The following PIWIL4 variants were observed in gnomAD, a reference collection of about 807,000 sequenced individuals.
PIWIL4 encodes the protein piwi like RNA-mediated gene silencing 4, also known as piwi-like protein 4.
A neutral mutation model predicts 100.9 loss-of-function variants in PIWIL4; 50 were observed. The observed-to-expected ratio is 0.50, with a 90% CI of 0.39 to 0.63. PIWIL4 has a LOEUF of 0.63. PIWIL4 is among the 20% of genes least tolerant of loss of function. PIWIL4 has a pLI of 0.00. For synonymous variants in PIWIL4, 342 were observed against 367.5 expected, an observed-to-expected ratio of 0.93 and a Z score of 0.79; for missense variants, 887 against 1,043.3, an observed-to-expected ratio of 0.85 and a Z score of 2.06.
intron 8 of PIWIL4, among the ~76,000 whole-genome samples, chr11:94,592,520 G>A (rs1307772335): frequency 1.3e-5 from 2 of 152,188 alleles, no homozygotes; most frequent in Non-Finnish European, 2.9e-5. Context: ...AAACTTTTTA[G>A]CCATAGCATC....
rs561668097 is a variant in PIWIL4, at chr11:94,610,527, C to T, written c.1943+1841C>T. Reference sequence around the variant, plus strand: ...AATATTTATCTTCTGACTTTTTGGTCATAGCCATCCTACAGGTGTAAGGTG... The same window carrying T: ...AATATTTATCTTCTGACTTTTTGGTTATAGCCATCCTACAGGTGTAAGGTG... On this transcript the variant is annotated intron_variant, in intron 15 of 19. Transcript: ENST00000299001. Among the ~76,000 whole-genome samples, 4 of 152,166 alleles carry T rather than the reference C, an allele frequency of 2.6e-5. 1 individual carries two copies. The South Asian group carries it at 8.3e-4, about 32-fold the overall frequency.
intron 3 of PIWIL4, among the ~76,000 whole-genome samples, chr11:94,575,725 C>T (rs976583552): frequency 2.6e-5 from 4 of 152,282 alleles, no homozygotes; most frequent in South Asian, 2.1e-4. Context: ...TGAAACAATG[C>T]GTCTCTTCCT....
At chr11:94,598,447 A>AT (rs1565278332) in intron 11 of PIWIL4, among the ~76,000 whole-genome samples, 1 of 152,190 alleles carries the variant, frequency 6.6e-6, no homozygotes, top group Non-Finnish European at 1.5e-5. Context: ...GGAGAGAGGC[A>AT]TTCTGAAACC....
intron 15 of PIWIL4, among the ~76,000 whole-genome samples, chr11:94,613,751 C>A (rs892002283): frequency 1.3e-5 from 2 of 152,034 alleles, no homozygotes; most frequent in East Asian, 1.9e-4. Context: ...TAATTGTATT[C>A]TTCAGCTCCA....
chr11:94,620,116 A>G lies in PIWIL4; in HGVS notation c.2414A>G (p.Lys805Arg), dbSNP rs1948890279. 2 of 1,609,232 alleles carry G rather than the reference A, an allele frequency of 1.2e-6. No individual in the cohort carries two copies. Among genetic ancestry groups the G allele is most frequent in the South Asian group, 1.1e-5 (1 of 90,374 alleles). ...GACCATATGCAGAGACTTACATTCAAATTGTGCCACCTGTACTACAACTGG... is the reference window on the plus strand; with the variant it reads ...GACCATATGCAGAGACTTACATTCAGATTGTGCCACCTGTACTACAACTGG... ...KPDHMQRLTFKLCHLYYNWPG... is the reference protein window; with the variant it reads ...KPDHMQRLTFRLCHLYYNWPG... The change falls in exon 19 of 20, where the codon AAA becomes AGA. Residue 805 changes from lysine to arginine, a missense_variant. Coordinates refer to ENST00000299001, the MANE Select transcript of PIWIL4 (RefSeq NM_152431.3).
intron 16 of PIWIL4, 75 bp downstream of exon 16, chr11:94,616,638 G>A: frequency 1.6e-6 from 2 of 1,212,702 alleles, no homozygotes; most frequent in Non-Finnish European, 2.4e-6. Context: ...GCTTATAGAA[G>A]ACCACATAGG....
intron 4 of PIWIL4, 139 bp from the exon 5 acceptor site, chr11:94,583,309 A>T (rs1397700676): frequency 2.2e-6 from 2 of 913,712 alleles, no homozygotes; most frequent in Non-Finnish European, 3.3e-6. Context: ...ACATAATGTG[A>T]TGATTAGATT....
chr11:94,604,345 TG>T (rs760364884), intron 13 of PIWIL4, among the ~76,000 whole-genome samples: 1 of 152,200 alleles, frequency 6.6e-6, no homozygotes, highest in Non-Finnish European at 1.5e-5. Flanking sequence ...TAAGATAAAC[TG>T]ACTCCCACCT....
chr11:94,609,071 CACTT>C (rs1274822264), intron 15 of PIWIL4, among the ~76,000 whole-genome samples: 2 of 152,170 alleles, frequency 1.3e-5, no homozygotes, highest in Non-Finnish European at 2.9e-5. Flanking sequence ...CCTGGTCTGC[CACTT>C]ACTTACTCTG....
Position 94,621,082 on chromosome 11 carries a change from T to A in PIWIL4, c.*90T>A. ...TCTGCCATAAGCTCAAGGCTGTGAC[T>A]GGGGAAAAAGATTGAGCTTAGTTTT... On this transcript the variant is annotated 3_prime_UTR_variant, in exon 20 of 20. Coordinates refer to ENST00000299001, the MANE Select transcript of PIWIL4 (RefSeq NM_152431.3). 6 of 862,720 alleles carry A rather than the reference T, an allele frequency of 7.0e-6. No homozygotes were observed. In the South Asian group the frequency reaches 1.1e-4, roughly 16 times the overall value. 53.4% of individuals were successfully genotyped at this position (862,720 alleles called of 1,614,324 possible). A position where few individuals can be genotyped will look rare whatever the true frequency, so the allele number is the denominator to read the frequency against.
rs999841688 is a variant in PIWIL4 at position 94,591,683 on chromosome 11, A to G, written c.1027-1835A>G. ...AAATCCCAGTCACTGTTTTTTTGAA[A>G]TGAGTTGTGCTTCACTGCATATATA... On this transcript the variant is annotated intron_variant, in intron 8 of 19. Transcript: ENST00000299001. Among the ~76,000 whole-genome samples, 12 of 152,246 alleles carry G rather than the reference A, an allele frequency of 7.9e-5. No homozygotes were observed. The East Asian group carries it at 2.3e-3, about 29-fold the overall frequency.
chr11:94,600,206 T>C (rs1468366670), intron 11 of PIWIL4, among the ~76,000 whole-genome samples: 1 of 152,194 alleles, frequency 6.6e-6, no homozygotes, highest in Non-Finnish European at 1.5e-5. Context: ...GGAGTCTCCA[T>C]CCTGGCTTCA....
At chr11:94,573,986 C>A (rs1259948197) in intron 2 of PIWIL4, among the ~76,000 whole-genome samples, 1 of 152,128 alleles carries the variant, frequency 6.6e-6, no homozygotes, top group Non-Finnish European at 1.5e-5. Context: ...CACCTAACAT[C>A]TTTTGAAACC....
intron 13 of PIWIL4, 133 bp from the exon 14 acceptor site, chr11:94,607,306 T>A (rs1948734060): frequency 4.1e-6 from 3 of 733,784 alleles, no homozygotes; most frequent in Non-Finnish European, 6.7e-6. Context: ...ACTGTAGGCA[T>A]GTTAGTGTTG....
rs1291336163 is a variant in PIWIL4 at position 94,589,088 on chromosome 11, A to T, written c.915-33A>T. On this transcript the variant is annotated intron_variant, in intron 7 of 19. Coordinates refer to ENST00000299001, the MANE Select transcript of PIWIL4 (RefSeq NM_152431.3). ...AGTAGCTGCTTATGTTAGATGATTAAAAAACAATTTAAAGACTTTTTATAT... is the reference window on the plus strand; with the variant it reads ...AGTAGCTGCTTATGTTAGATGATTATAAAACAATTTAAAGACTTTTTATAT... 5.3e-6 allele frequency: 8 copies of T among 1,523,154 alleles called. No homozygotes were observed. In the East Asian group the frequency reaches 6.8e-5, roughly 13 times the overall value. The allele number at this position is 1,523,154 out of a possible 1,614,324, so 94.4% of individuals were successfully genotyped here.
At chr11:94,593,086 A>G (rs528156348) in intron 8 of PIWIL4, among the ~76,000 whole-genome samples, 1 of 152,354 alleles carries the variant, frequency 6.6e-6, no homozygotes, top group Non-Finnish European at 1.5e-5. Flanking sequence ...GATTGTCTCA[A>G]TATAACTCGC....
chr11:94,592,718 A>G (rs1173400729), intron 8 of PIWIL4, among the ~76,000 whole-genome samples: 1 of 152,260 alleles, frequency 6.6e-6, no homozygotes, highest in Non-Finnish European at 1.5e-5. Flanking sequence ...GGATTAAATT[A>G]TAATGGAAAT....
chr11:94,575,198 G>T (rs540910649), intron 3 of PIWIL4, 68 bp downstream of exon 3: 1 of 1,488,418 alleles, frequency 6.7e-7, no homozygotes, highest in Non-Finnish European at 9.2e-7. Context: ...CCAAATTCTA[G>T]GTCTAAAATA....
chr11:94,586,645 T>C (rs1237790635), intron 6 of PIWIL4, among the ~76,000 whole-genome samples: 1 of 151,624 alleles, frequency 6.6e-6, no homozygotes, highest in Non-Finnish European at 1.5e-5. Flanking sequence ...CAGGGACATT[T>C]CCCCCCCCTC....
Sources: allele counts gnomAD v4.1 joint callset (sites outside exome capture counted in the v4.1 genomes callset), GRCh38; gene constraint gnomAD v4.1.1; transcripts MANE v1.5; gene names NCBI Gene and HGNC (gene_info 2026-07-23, HGNC 2026-07-21).